The following UTP15 variants were observed in gnomAD, a reference collection of about 807,000 sequenced individuals.
The protein encoded by UTP15 is U3 small nucleolar RNA-associated protein 15 homolog.
A neutral mutation model predicts 59.1 loss-of-function variants in UTP15; 5 were observed. The observed-to-expected ratio is 0.08, with a 90% CI of 0.04 to 0.18. The LOEUF (loss-of-function observed/expected upper bound fraction) is 0.18, where lower values mean the gene tolerates loss of function less well. UTP15 is among the 10% of genes least tolerant of loss of function. The probability of loss-of-function intolerance (pLI) is 1.00; values close to 1 mark genes in which losing one functional copy is unlikely to be tolerated. For synonymous variants in UTP15, 211 were observed against 212.2 expected (o/e 0.99, Z 0.05); for missense variants, 494 against 616.7 (o/e 0.80, Z 2.11).
intron 8 of UTP15, among the ~76,000 whole-genome samples, 176 bp from the exon 9 acceptor site, chr5:73,577,680 A>AG (rs1748142098): frequency 6.6e-6 from 1 of 152,202 alleles, no homozygotes; most frequent in Non-Finnish European, 1.5e-5. Context: ...TAAGGAAAAA[A>AG]TGATTTCGCT....
intron 4 of UTP15, among the ~76,000 whole-genome samples, chr5:73,568,874 G>A (rs1747857546): frequency 6.6e-6 from 1 of 152,154 alleles, no homozygotes; most frequent in Non-Finnish European, 1.5e-5. Flanking sequence ...ACTTTAGTGG[G>A]GTCTGTGGCC....
rs143758244 is a variant in UTP15 at position 73,574,694 on chromosome 5, C to T, written c.809+2070C>T. Among the ~76,000 whole-genome samples the T allele has an allele frequency of 4.3e-3, 655 of 152,188 alleles. 7 individuals carry two copies. The highest frequency in any genetic ancestry group is 0.015 in the African/African-American group (606 of 41,512). On this transcript the variant is annotated intron_variant, in intron 7 of 12. Coordinates refer to ENST00000296792, the MANE Select transcript of UTP15 (RefSeq NM_032175.4). ...TTGAGATGGGGTTTTGCCATGTTGC[C>T]GAGGCTGGTCTCAAACTCCTGAGTT...
chr5:73,573,719 G>A (rs1220631), intron 7 of UTP15, among the ~76,000 whole-genome samples: 27,732 of 151,318 alleles, frequency 0.18, 2,880 homozygotes, highest in Non-Finnish European at 0.23. Flanking sequence ...GATTATAGGC[G>A]CTTGCCACCT....
intron 9 of UTP15, chr5:73,578,550 T>TA: frequency 1.9e-6 from 1 of 513,194 alleles, no homozygotes; most frequent in East Asian, 3.1e-5. Flanking sequence ...AACATGTTGA[T>TA]GTAGCAAGTT....
At position 73,568,342 on chromosome 5, in the gene UTP15, A is replaced by T; in HGVS notation, c.183+15A>T. On this transcript the variant is annotated intron_variant, in intron 3 of 12. Coordinates refer to ENST00000296792, the MANE Select transcript of UTP15 (RefSeq NM_032175.4). ...CTTCCTCAAGAGTAAGTATAATATT[A>T]AATTTCTTTATTTTTCTTTTGTATA... 6.3e-7 allele frequency: 1 copy of T among 1,585,946 alleles called. No individual in the cohort carries two copies.
At chr5:73,573,549 GA>G (rs1748004034) in intron 7 of UTP15, among the ~76,000 whole-genome samples, 1 of 144,968 alleles carries the variant, frequency 6.9e-6, no homozygotes, top group African/African-American at 2.6e-5. Context: ...TGCCTGGCCT[GA>G]AAAGTTTTTT....
At chr5:73,573,500 G>A (rs959408200) in intron 7 of UTP15, among the ~76,000 whole-genome samples, 91 of 151,006 alleles carry the variant, frequency 6.0e-4, no homozygotes, top group African/African-American at 2.1e-3. Flanking sequence ...TGCCCACCAC[G>A]CCCTCCCAAA....
chr5:73,577,967 C>G lies in UTP15; in HGVS notation c.1006C>G (p.Arg336Gly). ...TCCCAGAAGAAGAAGGCCTGCATAT[C>G]GAACCTTTATTAAAGGAAAAAATTA... ...SLPRRRRPAY[R>G]TFIKGKNYMK... The change falls in exon 9 of 13, where the codon CGA becomes GGA. Residue 336 changes from arginine to glycine, a missense_variant. Physicochemically the swap from Arg to Gly is moderately radical, Grantham distance 125 (BLOSUM62 -2). Coordinates refer to ENST00000296792, the MANE Select transcript of UTP15 (RefSeq NM_032175.4). The G allele has an allele frequency of 6.3e-7, 1 of 1,581,520 alleles. No homozygotes were observed. The highest frequency in any genetic ancestry group is 8.5e-7 in the Non-Finnish European group (1 of 1,171,000).
At position 73,576,978 on chromosome 5, in the gene UTP15, C is replaced by T. The variant is rs1326463719; in HGVS notation, c.836C>T (p.Ser279Phe). The T allele has an allele frequency of 5.0e-6, 8 of 1,609,226 alleles. No individual in the cohort carries two copies. The highest frequency in any genetic ancestry group is 5.1e-6 in the Non-Finnish European group (6 of 1,178,782). The change falls in exon 8 of 13, where the codon TCC becomes TTC. Residue 279 changes from serine to phenylalanine, a missense_variant. Physicochemically the swap from Ser to Phe is radical, Grantham distance 155 (BLOSUM62 -2). Coordinates refer to ENST00000296792, the MANE Select transcript of UTP15 (RefSeq NM_032175.4). Reference protein sequence around the residue: ...DRKVKVYSTTSYKVVHSFDYA... With the variant: ...DRKVKVYSTTFYKVVHSFDYA... ...AAGGTGAAAGTATACAGCACAACTT[C>T]CTACAAAGTAGTCCACAGTTTTGAT...
At chr5:73,571,854 TATC>T (rs1383942027) in intron 6 of UTP15, among the ~76,000 whole-genome samples, 3 of 152,166 alleles carry the variant, frequency 2.0e-5, no homozygotes, top group Non-Finnish European at 4.4e-5. Context: ...ATGGAAAAAA[TATC>T]ATGTTGAACA....
At chr5:73,569,410 A>T in intron 4 of UTP15, 87 bp from the exon 5 acceptor site, 1 of 1,054,018 alleles carries the variant, frequency 9.5e-7, no homozygotes, top group Admixed American at 3.3e-5. Context: ...CTTTTTTTTT[A>T]ATCTGAGAAA....
rs1748148762 is a variant in UTP15 at position 73,577,898 on chromosome 5, C to T, written c.937C>T (p.Leu313=). Residue 313 remains leucine, a synonymous_variant, in exon 9 of 13, where the codon CTG becomes TTG. Coordinates refer to ENST00000296792, the MANE Select transcript of UTP15 (RefSeq NM_032175.4). ...AGTTGTAGGAATGACCAATGGAATA[C>T]TGAGTGTTAAACATCGGAAATCTGA... The part of the protein sequence containing the change: ...TIVVGMTNGI[L]SVKHRKSEAK... 6.3e-7 allele frequency: 1 copy of T among 1,593,994 alleles called. No homozygotes were observed. Among genetic ancestry groups the T allele is most frequent in the East Asian group, 2.3e-5 (1 of 43,248 alleles).
At chr5:73,575,733 T>C (rs1316625610) in intron 7 of UTP15, among the ~76,000 whole-genome samples, 1 of 151,744 alleles carries the variant, frequency 6.6e-6, no homozygotes, top group African/African-American at 2.4e-5. Flanking sequence ...TTTCTTTTTT[T>C]TTTTTTAAGA....
intron 7 of UTP15, among the ~76,000 whole-genome samples, chr5:73,575,623 C>T (rs546298770): frequency 4.0e-5 from 6 of 151,712 alleles, no homozygotes; most frequent in Admixed American, 2.6e-4. Context: ...TCTTGAACTC[C>T]TGGGCTCAAA....
chr5:73,578,782 A>G lies in UTP15; in HGVS notation c.1076A>G (p.Lys359Arg), dbSNP rs571082114. 2 of 1,613,822 alleles carry G rather than the reference A, an allele frequency of 1.2e-6. No homozygotes were observed. Among genetic ancestry groups the G allele is most frequent in the Non-Finnish European group, 1.7e-6 (2 of 1,179,742 alleles). The change falls in exon 10 of 13, where the codon AAG becomes AGG. Residue 359 changes from lysine to arginine, a missense_variant. Physicochemically the swap from Lys to Arg is conservative, Grantham distance 26. Coordinates refer to ENST00000296792, the MANE Select transcript of UTP15 (RefSeq NM_032175.4). Reference sequence around the variant, plus strand: ...ATTTTGATTAACAGGCCAGCAAAGAAGCACCTAGAATTGTATGACAGGGAT... The same window carrying G: ...ATTTTGATTAACAGGCCAGCAAAGAGGCACCTAGAATTGTATGACAGGGAT... The part of the protein sequence containing the change: ...DDILINRPAK[K>R]HLELYDRDLK...
chr5:73,567,927 A>G (rs375210424), intron 2 of UTP15, among the ~76,000 whole-genome samples: 1 of 152,172 alleles, frequency 6.6e-6, no homozygotes, highest in African/African-American at 2.4e-5. Flanking sequence ...TAAAAGTACA[A>G]GTACGTGGTT....
At chr5:73,568,214 A>C in intron 2 of UTP15, 21 bp from the exon 3 acceptor site, 4 of 1,573,550 alleles carry the variant, frequency 2.5e-6, no homozygotes, top group Non-Finnish European at 3.5e-6. Context: ...CTCTGTTAAC[A>C]CACTATTATT....
intron 2 of UTP15, chr5:73,567,733 G>T (rs1747821721): frequency 4.8e-6 from 1 of 208,832 alleles, no homozygotes; most frequent in African/African-American, 2.3e-5. Context: ...TTGAAGTATT[G>T]CTTGTAATAG....
chr5:73,568,612 A>G lies in UTP15; in HGVS notation c.368+8A>G. On this transcript the variant is annotated splice_region_variant and intron_variant, in intron 4 of 12. Transcript: ENST00000296792. ...GTTTGAAGGCCATACAAAGTAAGAG[A>G]CAGTTGGTTTCTGTGTGTTCTGGTT... 1 of 1,600,062 alleles carries G rather than the reference A, an allele frequency of 6.2e-7. No individual in the cohort carries two copies. Among genetic ancestry groups the G allele is most frequent in the Non-Finnish European group, 8.5e-7 (1 of 1,175,160 alleles).
Sources: gnomAD v4.1 joint callset for allele counts (sites outside exome capture counted in the v4.1 genomes callset) on GRCh38, gnomAD v4.1.1 for gene constraint, MANE v1.5 for transcripts, NCBI Gene and HGNC (gene_info 2026-07-23, HGNC 2026-07-21) for gene names.